The following TMEM132B variants were observed in gnomAD, a reference collection of about 807,000 sequenced individuals.
The protein encoded by TMEM132B is transmembrane protein 132B.
In TMEM132B, 18 loss-of-function variants were observed where a neutral mutation model predicts 90.8. The observed-to-expected ratio is 0.20, with a 90% CI of 0.14 to 0.29. The LOEUF is 0.29. TMEM132B is among the 10% of genes least tolerant of loss of function. TMEM132B has a pLI of 1.00. For missense variants in TMEM132B, 1,096 were observed against 1,326.8 expected (o/e 0.83, Z 2.70); for synonymous variants, 504 against 523.3 (o/e 0.96, Z 0.50).
intron 2 of TMEM132B, among the ~76,000 whole-genome samples, chr12:125,375,574 G>A (rs1878451219): frequency 6.6e-6 from 1 of 152,230 alleles, no homozygotes. Flanking sequence ...GCTACGTTAC[G>A]TAATTAGTGA....
chr12:125,550,833 C>T (rs1884210591), intron 4 of TMEM132B, among the ~76,000 whole-genome samples: 1 of 150,626 alleles, frequency 6.6e-6, no homozygotes, highest in Non-Finnish European at 1.5e-5. Context: ...GGATGTAGTG[C>T]AATGGTGCGA....
chr12:125,491,949 CTGG>C (rs1163880118), intron 3 of TMEM132B, among the ~76,000 whole-genome samples: 3 of 152,192 alleles, frequency 2.0e-5, no homozygotes, highest in Non-Finnish European at 2.9e-5. Flanking sequence ...ATATCCTTCT[CTGG>C]GAAACACAGT....
intron 3 of TMEM132B, among the ~76,000 whole-genome samples, chr12:125,425,553 C>T (rs1714341586): frequency 6.6e-6 from 1 of 152,200 alleles, no homozygotes; most frequent in Non-Finnish European, 1.5e-5. Flanking sequence ...TACAGTATCA[C>T]ACAGGATAGC....
At chr12:125,282,471 ACT>A (rs1172589414) in intron 1 of TMEM132B, among the ~76,000 whole-genome samples, 15 of 151,312 alleles carry the variant, frequency 9.9e-5, no homozygotes, top group Admixed American at 7.9e-4. Context: ...TTCTCATAAC[ACT>A]CTCCGCGTCT....
intron 3 of TMEM132B, among the ~76,000 whole-genome samples, chr12:125,518,738 C>T (rs548479334): frequency 1.1e-3 from 164 of 152,328 alleles, no homozygotes; most frequent in Middle Eastern, 6.8e-3. Context: ...CATAGCCCCC[C>T]CACCTGCAAA....
chr12:125,385,040 A>G (rs892587093), intron 2 of TMEM132B, among the ~76,000 whole-genome samples: 2 of 152,140 alleles, frequency 1.3e-5, no homozygotes, highest in Admixed American at 6.5e-5. Flanking sequence ...CCCTACTTCT[A>G]TGAATTCAAC....
At chr12:125,601,190 A>G (rs577831355) in intron 5 of TMEM132B, among the ~76,000 whole-genome samples, 92 of 152,344 alleles carry the variant, frequency 6.0e-4, no homozygotes, top group African/African-American at 2.2e-3. Context: ...CATAGCACTT[A>G]TTATAAAATC....
At chr12:125,432,196 C>T (rs1159816554) in intron 3 of TMEM132B, among the ~76,000 whole-genome samples, 2 of 151,414 alleles carry the variant, frequency 1.3e-5, no homozygotes, top group Admixed American at 6.6e-5. Flanking sequence ...TCAGCCAGGT[C>T]TGCATGGTCT....
At chr12:125,270,633 C>T (rs1002951821) in intron 1 of TMEM132B, among the ~76,000 whole-genome samples, 1 of 152,138 alleles carries the variant, frequency 6.6e-6, no homozygotes, top group African/African-American at 2.4e-5. Context: ...CAGAGTGAAA[C>T]ACACCTCAGG....
chr12:125,223,372 A>C (rs1377744278), intron 1 of TMEM132B, among the ~76,000 whole-genome samples: 1 of 152,218 alleles, frequency 6.6e-6, no homozygotes, highest in Non-Finnish European at 1.5e-5. Flanking sequence ...TTCTTGCTTT[A>C]GTCTAAGGAT....
intron 1 of TMEM132B, among the ~76,000 whole-genome samples, chr12:125,321,237 G>A (rs531786688): frequency 6.6e-6 from 1 of 152,130 alleles, no homozygotes; most frequent in Non-Finnish European, 1.5e-5. Flanking sequence ...TCTCAATTTC[G>A]ATTTGTTTAC....
chr12:125,225,284 G>C lies in TMEM132B; in HGVS notation c.67+38418G>C, dbSNP rs138612225. Among the ~76,000 whole-genome samples the C allele has an allele frequency of 4.9e-3, 752 of 152,318 alleles. 8 individuals carry two copies. Among genetic ancestry groups the C allele is most frequent in the African/African-American group, 0.017 (703 of 41,564 alleles). The stretch of plus-strand genomic sequence containing the variant: ...TGAGAGGTTACTGGCCACGTAAGCA[G>C]GACCAGCCGCACCATTTGTAAGGCC... On this transcript the variant is annotated intron_variant, in intron 1 of 8. Coordinates refer to ENST00000682704, the MANE Select transcript of TMEM132B (RefSeq NM_001366854.1).
intron 3 of TMEM132B, among the ~76,000 whole-genome samples, chr12:125,476,049 T>C (rs962507193): frequency 2.0e-5 from 3 of 152,228 alleles, no homozygotes; most frequent in African/African-American, 7.2e-5. Flanking sequence ...GAGTTAATGT[T>C]TGGGGAAGCC....
chr12:125,473,946 T>C (rs55813420), intron 3 of TMEM132B, among the ~76,000 whole-genome samples: 2,509 of 152,186 alleles, frequency 0.016, 59 homozygotes, highest in African/African-American at 0.057. Context: ...AGTTTCCTTA[T>C]CCTGATAGTA....
intron 3 of TMEM132B, among the ~76,000 whole-genome samples, chr12:125,425,401 T>A (rs1880288739): frequency 6.6e-6 from 1 of 152,200 alleles, no homozygotes; most frequent in South Asian, 2.1e-4. Context: ...TCCCCTATTA[T>A]TAACATCTTG....
At chr12:125,274,738 A>T (rs1251457011) in intron 1 of TMEM132B, among the ~76,000 whole-genome samples, 1 of 152,158 alleles carries the variant, frequency 6.6e-6, no homozygotes. Flanking sequence ...GTTGGTTGAG[A>T]ACTTGGGTGC....
intron 4 of TMEM132B, among the ~76,000 whole-genome samples, chr12:125,529,250 G>T (rs1883582562): frequency 6.6e-6 from 1 of 151,942 alleles, no homozygotes; most frequent in Non-Finnish European, 1.5e-5. Flanking sequence ...GCCTGGTTAA[G>T]TTTTTACTTT....
At chr12:125,553,691 T>TCTCCC (rs769998198) in intron 4 of TMEM132B, among the ~76,000 whole-genome samples, 11,095 of 152,248 alleles carry the variant, frequency 0.073, 548 homozygotes, top group South Asian at 0.15. Flanking sequence ...AATATTTTAA[T>TCTCCC]TCTCTTTCAA....
intron 1 of TMEM132B, among the ~76,000 whole-genome samples, chr12:125,278,477 C>CTTTTTT (rs35950577): frequency 2.1e-5 from 3 of 141,494 alleles, no homozygotes; most frequent in South Asian, 2.3e-4. Context: ...GAATCTCCAT[C>CTTTTTT]TTTTTTTTTT....
Sources: allele counts gnomAD v4.1 joint callset (sites outside exome capture counted in the v4.1 genomes callset), GRCh38; gene constraint gnomAD v4.1.1; transcripts MANE v1.5; gene names NCBI Gene and HGNC (gene_info 2026-07-23, HGNC 2026-07-21).